Variants in SV2B observed in about 807,000 individuals in gnomAD.
SV2B encodes the protein solute carrier family 22 member B2.
A neutral mutation model predicts 73.9 loss-of-function variants in SV2B; 41 were observed. That is an observed-to-expected ratio of 0.56 (90% CI 0.43 to 0.72). The LOEUF (loss-of-function observed/expected upper bound fraction) is 0.72. Ranked by LOEUF, SV2B falls within the 30% of genes least tolerant of loss-of-function variation. SV2B has a pLI of 0.00. For missense variants in SV2B, 764 were observed against 857.8 expected (o/e 0.89, Z 1.37); for synonymous variants, 314 against 314.2 (o/e 1.00, Z 0.01).
At chr15:91,172,413 A>C (rs989302256) in intron 1 of SV2B, among the ~76,000 whole-genome samples, 1 of 152,232 alleles carries the variant, frequency 6.6e-6, no homozygotes, top group Non-Finnish European at 1.5e-5. Flanking sequence ...GATACAGAAG[A>C]CACAGCTCAG....
chr15:91,203,480 ATAACT>A (rs2045530445), intron 1 of SV2B, among the ~76,000 whole-genome samples: 1 of 152,270 alleles, frequency 6.6e-6, no homozygotes, highest in Non-Finnish European at 1.5e-5. Context: ...TTAAATGCAA[ATAACT>A]GTAAAAGTTA....
intron 9 of SV2B, among the ~76,000 whole-genome samples, chr15:91,279,713 C>G (rs77967018): frequency 0.022 from 3,414 of 152,326 alleles, 77 homozygotes; most frequent in East Asian, 0.095. Context: ...AAATATCACC[C>G]AAGGCTACAT....
intron 1 of SV2B, among the ~76,000 whole-genome samples, chr15:91,146,127 A>G (rs1005590968): frequency 5.9e-5 from 9 of 152,200 alleles, no homozygotes; most frequent in Admixed American, 2.0e-4. Context: ...GTTTACATTT[A>G]CATCTTTAAT....
Position 91,281,705 on chromosome 15 carries a change from C to T in SV2B, c.1374-23C>T. On this transcript the variant is annotated intron_variant, in intron 9 of 12. Coordinates refer to ENST00000394232, the MANE Select transcript of SV2B (RefSeq NM_001323032.3). The surrounding 1 kb of genome is among the most constrained non-coding windows in gnomAD (Gnocchi z 4.7). ...CTCTTTTTTTCTCAGATGAATCACT[C>T]AAGGGTCAACCTCTTCCCACAGGTT... The T allele has an allele frequency of 5.1e-6, 8 of 1,567,346 alleles. No individual in the cohort carries two copies. The highest frequency in any genetic ancestry group is 7.0e-6 in the Non-Finnish European group (8 of 1,149,842).
intron 1 of SV2B, among the ~76,000 whole-genome samples, chr15:91,206,201 CTTTTTT>C (rs538615675): frequency 9.8e-6 from 1 of 101,920 alleles, no homozygotes; most frequent in African/African-American, 4.0e-5. Flanking sequence ...CCATGCCTGG[CTTTTTT>C]TTTTTTTTTT....
chr15:91,147,436 A>G (rs1384966521), intron 1 of SV2B, among the ~76,000 whole-genome samples: 1 of 152,242 alleles, frequency 6.6e-6, no homozygotes, highest in East Asian at 1.9e-4. Context: ...CCAGTGCCAC[A>G]GACAAGCAGG....
In SV2B at chr15:91,246,156, C is replaced by T. The variant is rs368967292; in HGVS notation, c.452-5663C>T. On this transcript the variant is annotated intron_variant, in intron 2 of 12. Coordinates refer to ENST00000394232, the MANE Select transcript of SV2B (RefSeq NM_001323032.3). ...AAAAAAGCTTTTTATTGGAAGCTGG[C>T]TTCTTCTCCAGGTAAGGAGAGAGGG... 5.3e-5 allele frequency among the ~76,000 whole-genome samples: 8 copies of T among 151,840 alleles called. No homozygotes were observed. The East Asian group carries it at 1.4e-3, about 26-fold the overall frequency.
At chr15:91,145,023 AG>A (rs1213275634) in intron 1 of SV2B, among the ~76,000 whole-genome samples, 1 of 152,010 alleles carries the variant, frequency 6.6e-6, no homozygotes, top group African/African-American at 2.4e-5. Flanking sequence ...GTACATGCGC[AG>A]GTCTGTTATA....
chr15:91,294,461 TAC>T lies in SV2B; in HGVS notation c.*1910_*1911del, dbSNP rs1257030544. On this transcript the variant is annotated 3_prime_UTR_variant, in exon 13 of 13. Transcript: ENST00000394232. This position sits in a 1 kb window ranked among gnomAD's most constrained non-coding sequence, Gnocchi z 4.1. ...ACACCCTGATTCCTCCAAATATATATACCACTGTGTATTAATCTTTCTCTCAG... is the reference window on the plus strand; with the variant it reads ...ACACCCTGATTCCTCCAAATATATATCACTGTGTATTAATCTTTCTCTCAG... The T allele has an allele frequency of 9.9e-5, 15 of 152,004 alleles. No homozygotes were observed. The highest frequency in any genetic ancestry group is 3.6e-4 in the African/African-American group (15 of 41,284). 9.4% of individuals were successfully genotyped at this position (152,004 alleles called of 1,614,324 possible). A position where few individuals can be genotyped will look rare whatever the true frequency, so the allele number is the denominator to read the frequency against.
At chr15:91,112,188 G>A (rs1374114965) in intron 1 of SV2B, among the ~76,000 whole-genome samples, 1 of 152,132 alleles carries the variant, frequency 6.6e-6, no homozygotes, top group East Asian at 1.9e-4. Flanking sequence ...TTGGTGAGAA[G>A]TAGCAGGACG....
intron 1 of SV2B, among the ~76,000 whole-genome samples, chr15:91,114,485 TA>T (rs753769897): frequency 4.7e-4 from 71 of 152,328 alleles, no homozygotes; most frequent in Non-Finnish European, 9.3e-4. Context: ...TTAACTGCTT[TA>T]AACTCCAGGC....
In SV2B at chr15:91,122,915, A is replaced by G. The variant is rs1596442373; in HGVS notation, c.-392+22552A>G. On this transcript the variant is annotated intron_variant, in intron 1 of 12. Transcript: ENST00000394232. This position sits in a 1 kb window ranked among gnomAD's most constrained non-coding sequence, Gnocchi z 4.3. ...ACTAAATTTCAGTTTGACAGGATTA[A>G]TAAATTCAAGAGGTCTATTCTACAA... 6.6e-6 allele frequency among the ~76,000 whole-genome samples: 1 copy of G among 152,222 alleles called. No homozygotes were observed. The highest frequency in any genetic ancestry group is 1.5e-5 in the Non-Finnish European group (1 of 68,036).
intron 1 of SV2B, among the ~76,000 whole-genome samples, chr15:91,125,117 A>G (rs1200752392): frequency 1.3e-5 from 2 of 152,108 alleles, no homozygotes; most frequent in African/African-American, 4.8e-5. Context: ...GTCTCTGTGT[A>G]TGTTCAGATT....
At position 91,288,252 on chromosome 15, in the gene SV2B, T is replaced by A. The variant is rs1001279140; in HGVS notation, c.1709-1269T>A. ...TAAGCTCCATGAGAATGGATTTTTTTAAAAAATTATTTTTTTATTTTTAAT... is the reference window on the plus strand; with the variant it reads ...TAAGCTCCATGAGAATGGATTTTTTAAAAAAATTATTTTTTTATTTTTAAT... On this transcript the variant is annotated intron_variant, in intron 11 of 12. Coordinates refer to ENST00000394232, the MANE Select transcript of SV2B (RefSeq NM_001323032.3). This position sits in a 1 kb window ranked among gnomAD's most constrained non-coding sequence, Gnocchi z 5.8. Among the ~76,000 whole-genome samples the A allele has an allele frequency of 4.6e-5, 7 of 152,194 alleles. No homozygotes were observed. Among genetic ancestry groups the A allele is most frequent in the African/African-American group, 7.2e-5 (3 of 41,448 alleles).
chr15:91,163,506 G>A (rs1389331684), intron 1 of SV2B, among the ~76,000 whole-genome samples: 2 of 152,290 alleles, frequency 1.3e-5, no homozygotes, highest in African/African-American at 4.8e-5. Context: ...GCATTTCTCT[G>A]ATGGCCAGTG....
At chr15:91,199,347 G>C (rs1160180596) in intron 1 of SV2B, among the ~76,000 whole-genome samples, 1 of 152,132 alleles carries the variant, frequency 6.6e-6, no homozygotes, top group Non-Finnish European at 1.5e-5. Flanking sequence ...AGGTCTAACA[G>C]ATAGAGTAAC....
At chr15:91,279,070 T>C (rs1277178006) in intron 9 of SV2B, among the ~76,000 whole-genome samples, 1 of 152,256 alleles carries the variant, frequency 6.6e-6, no homozygotes, top group Non-Finnish European at 1.5e-5. Context: ...CTGTCTGGAA[T>C]ACATGTCCTT....
chr15:91,292,009 A>T (rs1394442085), intron 12 of SV2B, among the ~76,000 whole-genome samples: 1 of 152,100 alleles, frequency 6.6e-6, no homozygotes, highest in African/African-American at 2.4e-5. Context: ...GAACACTTAC[A>T]CTTTCTGCTT....
chr15:91,182,103 A>G (rs1057492709), intron 1 of SV2B, among the ~76,000 whole-genome samples: 10 of 152,210 alleles, frequency 6.6e-5, no homozygotes, highest in African/African-American at 1.9e-4. Flanking sequence ...AGTGCATTCA[A>G]AGTAAAAAAA....
Sources: gnomAD v4.1 joint callset for allele counts (sites outside exome capture counted in the v4.1 genomes callset) on GRCh38, gnomAD v4.1.1 for gene constraint, Gnocchi (gnomAD v3.1) non-coding constraint, MANE v1.5 for transcripts, NCBI Gene and HGNC (gene_info 2026-07-23, HGNC 2026-07-21) for gene names.